Variants in CWC27 observed in about 807,000 individuals in gnomAD.
CWC27 encodes CWC27 spliceosome associated cyclophilin, also known as spliceosome-associated protein CWC27 homolog.
CWC27 carries 47 observed loss-of-function variants against 63.6 expected under a neutral mutation model. The ratio of observed to expected loss-of-function variants is 0.74; its 90% CI spans 0.58 to 0.94. CWC27 has a LOEUF of 0.94. Ranked by LOEUF, CWC27 falls within the 40% of genes least tolerant of loss-of-function variation. CWC27 has a pLI of 0.00. For missense variants in CWC27, 495 were observed against 554.3 expected (o/e 0.89, Z 1.07); for synonymous variants, 175 against 179.8 (o/e 0.97, Z 0.22).
chr5:64,873,874 G>A (rs774246969), intron 10 of CWC27, among the ~76,000 whole-genome samples: 3 of 151,826 alleles, frequency 2.0e-5, no homozygotes, highest in African/African-American at 4.8e-5. Flanking sequence ...TAGAGATAGG[G>A]GTCTAGTTTT....
rs369014881 is a variant in CWC27 at position 64,942,607 on chromosome 5, C to T, written c.1043-29096C>T. Among the ~76,000 whole-genome samples the T allele has an allele frequency of 4.5e-4, 69 of 152,194 alleles. No homozygotes were observed. In the South Asian group the frequency reaches 0.014, roughly 30 times the overall value. On this transcript the variant is annotated intron_variant, in intron 11 of 13. Transcript: ENST00000381070. The stretch of plus-strand genomic sequence containing the variant: ...AAATTAGGAATCACAGTTTTATACG[C>T]ACCAAAAGATTGATGAATACATGTG...
At chr5:64,917,613 C>T (rs1747915765) in intron 11 of CWC27, among the ~76,000 whole-genome samples, 1 of 149,514 alleles carries the variant, frequency 6.7e-6, no homozygotes, top group South Asian at 2.1e-4. Flanking sequence ...ATGTGGGTGG[C>T]CCTCATCCAA....
intron 7 of CWC27, among the ~76,000 whole-genome samples, chr5:64,796,543 C>G (rs1744269771): frequency 6.6e-6 from 1 of 152,088 alleles, no homozygotes. Flanking sequence ...GGAGTGTAAT[C>G]TGCTTTCTCA....
At position 65,018,285 on chromosome 5, in the gene CWC27, C is replaced by A; in HGVS notation, c.1383C>A (p.Ser461Arg). 1 of 1,600,180 alleles carries A rather than the reference C, an allele frequency of 6.2e-7. No homozygotes were observed. Among genetic ancestry groups the A allele is most frequent in the Non-Finnish European group, 8.5e-7 (1 of 1,175,836 alleles). ...TGAATAAAAGAAGGAGGGAAGAAAGCAAAAAGCTGATGAGAGAGAAAAAAG... is the reference window on the plus strand; with the variant it reads ...TGAATAAAAGAAGGAGGGAAGAAAGAAAAAAGCTGATGAGAGAGAAAAAAG... ...NPVNKRRREE[S>R]KKLMREKKER... Residue 461 changes from serine (S) to arginine (R), a missense_variant, in exon 14 of 14, where the codon AGC (serine) becomes AGA (arginine). Transcript: ENST00000381070.
chr5:64,880,711 T>C (rs1250913949), intron 10 of CWC27, among the ~76,000 whole-genome samples: 1 of 151,846 alleles, frequency 6.6e-6, no homozygotes, highest in Non-Finnish European at 1.5e-5. Context: ...TTATTGCAGA[T>C]TTACTAGATA....
At chr5:64,917,136 ATAAC>A (rs1283309763) in intron 11 of CWC27, among the ~76,000 whole-genome samples, 2 of 152,136 alleles carry the variant, frequency 1.3e-5, no homozygotes, top group Non-Finnish European at 2.9e-5. Flanking sequence ...GTGTTCTCTA[ATAAC>A]TATATGATGG....
chr5:64,840,718 A>T (rs1284350205), intron 10 of CWC27, among the ~76,000 whole-genome samples: 1 of 152,082 alleles, frequency 6.6e-6, no homozygotes, highest in Non-Finnish European at 1.5e-5. Flanking sequence ...AAGGGGCATG[A>T]TCAGATTCAT....
chr5:64,784,015 T>G (rs751436267), intron 4 of CWC27, 36 bp downstream of exon 4: 1 of 1,524,574 alleles, frequency 6.6e-7, no homozygotes, highest in Non-Finnish European at 8.8e-7. Flanking sequence ...GTGGTTCAGT[T>G]TTTGGTTTTA....
At chr5:64,964,168 T>G (rs1433608) in intron 11 of CWC27, among the ~76,000 whole-genome samples, 133,498 of 152,192 alleles carry the variant, frequency 0.88, 58,756 homozygotes, top group African/African-American at 0.95. Context: ...TTCTTAATTG[T>G]CATTGGTAGA....
intron 10 of CWC27, 85 bp from the exon 11 acceptor site, chr5:64,885,358 T>A: frequency 1.2e-6 from 1 of 808,144 alleles, no homozygotes; most frequent in Non-Finnish European, 1.9e-6. Context: ...TTTTCTTAGA[T>A]GTAGTATACC....
At chr5:64,881,011 A>G (rs1746924955) in intron 10 of CWC27, among the ~76,000 whole-genome samples, 1 of 151,956 alleles carries the variant, frequency 6.6e-6, no homozygotes, top group Admixed American at 6.6e-5. Flanking sequence ...ACATATTTAA[A>G]TATATTCTGA....
chr5:64,813,767 T>C (rs1332396848), intron 10 of CWC27, among the ~76,000 whole-genome samples: 1 of 152,202 alleles, frequency 6.6e-6, no homozygotes, highest in Non-Finnish European at 1.5e-5. Context: ...TTAGGCCATA[T>C]ACTGTGAATT....
At chr5:64,854,204 C>T (rs1002304683) in intron 10 of CWC27, among the ~76,000 whole-genome samples, 5 of 152,192 alleles carry the variant, frequency 3.3e-5, no homozygotes, top group Non-Finnish European at 4.4e-5. Flanking sequence ...TTCCTTCATC[C>T]GCTGATGGAC....
chr5:64,895,967 A>G (rs1448672486), intron 11 of CWC27, among the ~76,000 whole-genome samples: 1 of 152,196 alleles, frequency 6.6e-6, no homozygotes, highest in Non-Finnish European at 1.5e-5. Flanking sequence ...TAGAGGCAAT[A>G]TTTAGAGAGA....
intron 11 of CWC27, among the ~76,000 whole-genome samples, chr5:64,958,154 C>T (rs926175618): frequency 6.6e-6 from 1 of 151,616 alleles, no homozygotes; most frequent in Non-Finnish European, 1.5e-5. Flanking sequence ...TTTAAAAATT[C>T]CTAATTTAGA....
chr5:64,827,364 C>T (rs1216036584), intron 10 of CWC27, among the ~76,000 whole-genome samples: 1 of 152,086 alleles, frequency 6.6e-6, no homozygotes, highest in Non-Finnish European at 1.5e-5. Context: ...TTTTATACCA[C>T]GTTTGCATGA....
intron 10 of CWC27, among the ~76,000 whole-genome samples, chr5:64,812,335 G>T (rs1422604596): frequency 1.3e-5 from 2 of 152,058 alleles, no homozygotes; most frequent in African/African-American, 4.8e-5. Context: ...TCTCACAGAA[G>T]ATTTATAAGC....
At position 64,783,896 on chromosome 5, in the gene CWC27, G is replaced by A. The variant is rs1456960781; in HGVS notation, c.313G>A (p.Gly105Ser). The change falls in exon 4 of 14, where the codon GGT (glycine) becomes AGT (serine). Residue 105 changes from glycine to serine, a missense_variant. Physicochemically the swap from Gly to Ser is moderately conservative, Grantham distance 56 (BLOSUM62 0). Coordinates refer to ENST00000381070, the MANE Select transcript of CWC27 (RefSeq NM_005869.4). ...RRGLVAMANA[G>S]SHDNGSQFFF... ...AGGACTGGTTGCCATGGCAAATGCT[G>A]GTTCTCATGATAATGGCAGCCAGTT... is the stretch of plus-strand genomic sequence containing the variant. 1.9e-6 allele frequency: 3 copies of A among 1,606,846 alleles called. No homozygotes were observed. Among genetic ancestry groups the A allele is most frequent in the Non-Finnish European group, 2.5e-6 (3 of 1,176,946 alleles).
intron 11 of CWC27, among the ~76,000 whole-genome samples, chr5:64,897,043 T>C (rs1209569728): frequency 2.0e-5 from 3 of 151,926 alleles, no homozygotes; most frequent in Non-Finnish European, 4.4e-5. Flanking sequence ...GATAACTCAT[T>C]TCTACTAAAA....
Sources: allele counts gnomAD v4.1 joint callset (sites outside exome capture counted in the v4.1 genomes callset), GRCh38; gene constraint gnomAD v4.1.1; transcripts MANE v1.5; gene names NCBI Gene and HGNC (gene_info 2026-07-23, HGNC 2026-07-21).